The following NADSYN1 variants were observed in gnomAD, a reference collection of about 807,000 sequenced individuals.
The protein encoded by NADSYN1 is glutamine-dependent NAD(+) synthetase.
A neutral mutation model predicts 99.3 loss-of-function variants in NADSYN1; 80 were observed. That is an observed-to-expected ratio of 0.81 (90% CI 0.67 to 0.97). The LOEUF is 0.97. Ranked by LOEUF, NADSYN1 falls within the 50% of genes least tolerant of loss-of-function variation. The pLI is 0.00. For synonymous variants in NADSYN1, 385 were observed against 372.1 expected (o/e 1.03, Z -0.40); for missense variants, 859 against 948.5 (o/e 0.91, Z 1.24).
chr11:71,473,707 C>A (rs142852170), intron 8 of NADSYN1, 21 bp downstream of exon 8: 1 of 1,548,970 alleles, frequency 6.5e-7, no homozygotes, highest in Non-Finnish European at 8.9e-7. Context: ...GGCCAGGGAG[C>A]GTGCGCCACA....
rs373668699 is a variant in NADSYN1 at position 71,484,280 on chromosome 11, G to A, written c.1320-32G>A. 54 of 1,605,858 alleles carry A rather than the reference G, an allele frequency of 3.4e-5. 1 individual carries two copies. The South Asian group carries it at 4.2e-4, about 12-fold the overall frequency. ...CACACACATGCACACACGTGCACAT[G>A]CTGCCTTCAACGCCTATCCTTCTCC... On this transcript the variant is annotated intron_variant, in intron 14 of 20. Coordinates refer to ENST00000319023, the MANE Select transcript of NADSYN1 (RefSeq NM_018161.5).
intron 18 of NADSYN1, chr11:71,497,161 A>AG (rs1243220580): frequency 6.0e-6 from 2 of 335,680 alleles, no homozygotes; most frequent in African/African-American, 4.3e-5. Flanking sequence ...TACAAGTGTG[A>AG]GCCACTATGC....
chr11:71,481,291 T>C (rs1292336808), intron 11 of NADSYN1, 65 bp from the exon 12 acceptor site: 7 of 1,537,032 alleles, frequency 4.6e-6, no homozygotes, highest in Middle Eastern at 4.3e-4. Flanking sequence ...CCTGCTTGGG[T>C]GGGTTGTTGG....
Position 71,453,370 on chromosome 11 carries a change from G to T in NADSYN1, c.74G>T (p.Arg25Ile), listed in dbSNP as rs1468911505. 3.7e-5 allele frequency: 59 copies of T among 1,613,764 alleles called. No individual in the cohort carries two copies. Among genetic ancestry groups the T allele is most frequent in the Non-Finnish European group, 4.9e-5 (58 of 1,179,752 alleles). ...WALDFEGNLQ[R>I]ILKSIEIAKN... Reference sequence around the variant, plus strand: ...CTGGACTTCGAGGGCAATTTGCAAAGAATTTTAAAGAGTGAGTCTGGGGCG... The same window carrying T: ...CTGGACTTCGAGGGCAATTTGCAAATAATTTTAAAGAGTGAGTCTGGGGCG... Residue 25 changes from arginine (R) to isoleucine (I), a missense_variant, in exon 1 of 21, where the codon AGA (arginine) becomes ATA (isoleucine). Transcript: ENST00000319023.
intron 19 of NADSYN1, 111 bp from the exon 20 acceptor site, chr11:71,498,241 G>C: frequency 4.0e-6 from 5 of 1,261,146 alleles, no homozygotes; most frequent in Non-Finnish European, 5.5e-6. Context: ...GGAAGGTCCT[G>C]TGCGGGGAGT....
At chr11:71,481,547 C>G (rs527374149) in intron 12 of NADSYN1, 143 bp downstream of exon 12, 1 of 869,392 alleles carries the variant, frequency 1.2e-6, no homozygotes, top group South Asian at 1.7e-5. Flanking sequence ...CCATGGGGAG[C>G]TTAGTCTGTG....
chr11:71,497,437 C>G (rs779931414), intron 18 of NADSYN1, 46 bp from the exon 19 acceptor site: 12 of 1,612,592 alleles, frequency 7.4e-6, no homozygotes, highest in Admixed American at 5.0e-5. Flanking sequence ...GCTCTCCCCC[C>G]GCTGTGACTT....
chr11:71,467,590 A>G (rs1438289963), intron 5 of NADSYN1, among the ~76,000 whole-genome samples: 4 of 152,242 alleles, frequency 2.6e-5, no homozygotes, highest in Non-Finnish European at 5.9e-5. Flanking sequence ...AATAATGTGA[A>G]TGAATAACAA....
In NADSYN1 at chr11:71,497,327, G is replaced by A. The variant is rs531511120; in HGVS notation, c.1765-156G>A. 50 of 822,596 alleles carry A rather than the reference G, an allele frequency of 6.1e-5. No homozygotes were observed. The East Asian group carries it at 1.2e-3, about 20-fold the overall frequency. 51.0% of individuals were successfully genotyped at this position (822,596 alleles called of 1,614,324 possible). A position where few individuals can be genotyped will look rare whatever the true frequency, so the allele number is the denominator to read the frequency against. On this transcript the variant is annotated intron_variant, in intron 18 of 20. Transcript: ENST00000319023. ...TTTTCCAAATGCTACCTCCTTACTG[G>A]CTGACTAGCAATGGGGAGTAAAGCC...
At chr11:71,498,303 G>T in intron 19 of NADSYN1, 49 bp from the exon 20 acceptor site, 1 of 1,603,374 alleles carries the variant, frequency 6.2e-7, no homozygotes, top group East Asian at 2.2e-5. Flanking sequence ...CCGGCCTGGG[G>T]TCTCTCCAGT....
Position 71,473,574 on chromosome 11 carries a change from A to G in NADSYN1, c.554A>G (p.His185Arg). The change falls in exon 8 of 21, where the codon CAC becomes CGC. Residue 185 changes from histidine to arginine, a missense_variant. Coordinates refer to ENST00000319023, the MANE Select transcript of NADSYN1 (RefSeq NM_018161.5). ...CEELWTPHSP[H>R]IDMGLDGVEI... ...TCACCTGCCTCTGCCTGCAGCCCGCACATCGACATGGGCCTGGATGGCGTG... is the reference window on the plus strand; with the variant it reads ...TCACCTGCCTCTGCCTGCAGCCCGCGCATCGACATGGGCCTGGATGGCGTG... 1.9e-6 allele frequency: 3 copies of G among 1,609,628 alleles called. No individual in the cohort carries two copies. The highest frequency in any genetic ancestry group is 1.7e-6 in the Non-Finnish European group (2 of 1,177,320).
chr11:71,478,122 G>A (rs940895179), intron 9 of NADSYN1, among the ~76,000 whole-genome samples: 6 of 150,346 alleles, frequency 4.0e-5, no homozygotes, highest in Non-Finnish European at 5.9e-5. Flanking sequence ...TCTTACTGAC[G>A]GGGTGTGTCT....
In NADSYN1 at chr11:71,491,980, C is replaced by T; in HGVS notation, c.1764+77C>T. The T allele has an allele frequency of 5.7e-6, 8 of 1,393,154 alleles. No homozygotes were observed. The South Asian group carries it at 8.8e-5, about 15-fold the overall frequency. The allele number at this position is 1,393,154 out of a possible 1,614,324, so 86.3% of individuals were successfully genotyped here. ...GTGTGGTGGTGCTGGCTCTTCCTAC[C>T]TCCCTCCTGACCCCAGGACAGCTGC... On this transcript the variant is annotated intron_variant, in intron 18 of 20. Transcript: ENST00000319023.
At chr11:71,468,447 T>C (rs114866069) in intron 5 of NADSYN1, among the ~76,000 whole-genome samples, 3,606 of 152,300 alleles carry the variant, frequency 0.024, 121 homozygotes, top group African/African-American at 0.082. Context: ...AATTTTTGAC[T>C]TTAGTTGAGA....
intron 1 of NADSYN1, 72 bp downstream of exon 1, chr11:71,453,453 G>T: frequency 1.4e-6 from 2 of 1,396,708 alleles, no homozygotes; most frequent in Non-Finnish European, 2.0e-6. Context: ...AGGCTTGCCC[G>T]TGGCGTGCTC....
intron 18 of NADSYN1, chr11:71,497,153 C>T (rs1949825557): frequency 3.1e-6 from 1 of 323,310 alleles, no homozygotes; most frequent in Admixed American, 4.3e-5. Context: ...GCTGGGATTA[C>T]AAGTGTGAGC....
At chr11:71,455,940 C>CA (rs1295125702) in intron 2 of NADSYN1, among the ~76,000 whole-genome samples, 1 of 152,170 alleles carries the variant, frequency 6.6e-6, no homozygotes, top group Non-Finnish European at 1.5e-5. Context: ...AAAACAAAAA[C>CA]AAAAATGAAA....
intron 1 of NADSYN1, among the ~76,000 whole-genome samples, chr11:71,454,720 C>T (rs1209594346): frequency 1.3e-5 from 2 of 152,192 alleles, no homozygotes; most frequent in Non-Finnish European, 2.9e-5. Flanking sequence ...TCCTCTAAGT[C>T]CTTTTTCCTC....
rs772416315 is a variant in NADSYN1 at position 71,484,438 on chromosome 11, A to G, written c.1446A>G (p.Gln482=). The G allele has an allele frequency of 3.4e-5, 55 of 1,613,660 alleles. No homozygotes were observed. The highest frequency in any genetic ancestry group is 3.3e-5 in the Admixed American group (2 of 59,984). Residue 482 remains glutamine (Q), a synonymous_variant, in exon 15 of 21, where the codon CAA becomes CAG. Coordinates refer to ENST00000319023, the MANE Select transcript of NADSYN1 (RefSeq NM_018161.5). ...GGSSRENLAL[Q]NVQARIRMVL... ...GCAGCAGGGAAAACCTGGCGCTGCAAAATGTGCAGGTGCCCCCGCCTGGGC... is the reference window on the plus strand; with the variant it reads ...GCAGCAGGGAAAACCTGGCGCTGCAGAATGTGCAGGTGCCCCCGCCTGGGC...
Sources: gnomAD v4.1 joint callset for allele counts (sites outside exome capture counted in the v4.1 genomes callset) on GRCh38, gnomAD v4.1.1 for gene constraint, MANE v1.5 for transcripts, NCBI Gene and HGNC (gene_info 2026-07-23, HGNC 2026-07-21) for gene names.